The following CAST variants were observed in gnomAD, a reference collection of about 807,000 sequenced individuals.
CAST encodes calpastatin, also known as MIR583 host.
In CAST, 76 loss-of-function variants were observed where a neutral mutation model predicts 119.6. The observed-to-expected ratio is 0.64, with a 90% CI of 0.53 to 0.77. CAST has a LOEUF of 0.77. Ranked by LOEUF, CAST falls within the 30% of genes least tolerant of loss-of-function variation. CAST has a pLI of 0.00. For synonymous variants in CAST, 319 were observed against 331.6 expected (o/e 0.96, Z 0.41); for missense variants, 953 against 946.5 (o/e 1.01, Z -0.09).
chr5:96,232,820 TAGAG>T, the CAST span, among the ~76,000 whole-genome samples: 29 of 152,014 alleles, frequency 1.9e-4, no homozygotes, highest in Non-Finnish European at 2.9e-4. Context: ...TGTTCATGGA[TAGAG>T]AGATTCATAA....
rs1228750907 is a variant in CAST, at chr5:96,772,673, G to T, written c.*57G>T. On this transcript the variant is annotated 3_prime_UTR_variant, in exon 32 of 32. Coordinates refer to ENST00000675179, the MANE Select transcript of CAST (RefSeq NM_001750.7). ...ATGTAAAATCTTCAGCTGGTGGATGGTGACTTTTGAAGAACAAAAGGCTTT... is the reference window on the plus strand; with the variant it reads ...ATGTAAAATCTTCAGCTGGTGGATGTTGACTTTTGAAGAACAAAAGGCTTT... The T allele has an allele frequency of 6.6e-6, 1 of 152,628 alleles. No individual in the cohort carries two copies. The highest frequency in any genetic ancestry group is 1.5e-5 in the Non-Finnish European group (1 of 67,984). The allele number at this position is 152,628 out of a possible 1,614,324, so 9.5% of individuals were successfully genotyped here.
intron 24 of CAST, among the ~76,000 whole-genome samples, chr5:96,757,955 C>G (rs1766715258): frequency 1.3e-5 from 2 of 152,074 alleles, no homozygotes; most frequent in Non-Finnish European, 2.9e-5. Flanking sequence ...TCTGAAAGTG[C>G]TTGGATTACA....
chr5:96,634,523 G>T (rs1747861599), intron 1 of CAST, among the ~76,000 whole-genome samples: 1 of 152,112 alleles, frequency 6.6e-6, no homozygotes, highest in African/African-American at 2.4e-5. Flanking sequence ...TCTTGACATA[G>T]GGGACCAGAG....
chr5:96,296,393 C>T, the CAST span, among the ~76,000 whole-genome samples: 1 of 152,306 alleles, frequency 6.6e-6, no homozygotes, highest in South Asian at 2.1e-4. Context: ...TCTGGCTAAA[C>T]CTATCCTAGT....
the CAST span, among the ~76,000 whole-genome samples, chr5:96,472,148 A>G: frequency 4.6e-5 from 7 of 152,236 alleles, no homozygotes; most frequent in South Asian, 6.2e-4. Flanking sequence ...TGCTTTTTCA[A>G]TATCAAAAGT....
At chr5:96,711,289 G>T (rs1756096264) in intron 3 of CAST, among the ~76,000 whole-genome samples, 1 of 152,030 alleles carries the variant, frequency 6.6e-6, no homozygotes, top group Admixed American at 6.6e-5. Flanking sequence ...CATTCAACTT[G>T]GGAAGACAAC....
At chr5:96,496,014 G>T in the CAST span, among the ~76,000 whole-genome samples, 1 of 152,098 alleles carries the variant, frequency 6.6e-6, no homozygotes, top group African/African-American at 2.4e-5. Context: ...TTGAAGTAAA[G>T]TAGTAAGAGT....
chr5:96,042,858 A>C, the CAST span, among the ~76,000 whole-genome samples: 1 of 152,204 alleles, frequency 6.6e-6, no homozygotes, highest in Admixed American at 6.5e-5. Flanking sequence ...CAGAGGTTCA[A>C]GCTCAGTGCC....
chr5:96,678,979 A>G (rs31248), intron 2 of CAST, among the ~76,000 whole-genome samples: 49,320 of 151,958 alleles, frequency 0.32, 10,161 homozygotes, highest in African/African-American at 0.58. Context: ...ACCATTAAGT[A>G]ATCCTAAGAT....
chr5:95,963,094 T>C, the CAST span, among the ~76,000 whole-genome samples: 1 of 152,138 alleles, frequency 6.6e-6, no homozygotes, highest in Non-Finnish European at 1.5e-5. Context: ...AACAAACCAT[T>C]GAAAGCTTTC....
the CAST span, among the ~76,000 whole-genome samples, chr5:96,243,730 T>C: frequency 6.6e-6 from 1 of 152,296 alleles, no homozygotes; most frequent in South Asian, 2.1e-4. Context: ...ATGTAGTGGA[T>C]TTTGTCTGTG....
At chr5:96,196,875 G>A in the CAST span, among the ~76,000 whole-genome samples, 1 of 152,204 alleles carries the variant, frequency 6.6e-6, no homozygotes, top group African/African-American at 2.4e-5. Flanking sequence ...AGTGGAGTGA[G>A]GAAGAGCAGC....
At chr5:96,565,346 A>G (rs992190010) in intron 1 of CAST, among the ~76,000 whole-genome samples, 7 of 152,168 alleles carry the variant, frequency 4.6e-5, no homozygotes, top group Admixed American at 2.0e-4. Context: ...TCTACAAGGT[A>G]TACATGTCTC....
the CAST span, among the ~76,000 whole-genome samples, chr5:96,181,725 G>C: frequency 2.0e-5 from 3 of 151,958 alleles, 1 homozygote; most frequent in Non-Finnish European, 4.4e-5. Flanking sequence ...GGGGAACTAG[G>C]GGAAATACCA....
chr5:96,773,648 G>A lies in CAST; in HGVS notation c.*1032G>A. On this transcript the variant is annotated 3_prime_UTR_variant, in exon 32 of 32. Coordinates refer to ENST00000675179, the MANE Select transcript of CAST (RefSeq NM_001750.7). ...AAACCTGCATTTCTCCCACAGCAAT[G>A]TAAGAAGTAGGCTCTGATGTCCTAC... 1 of 152,102 alleles carries A rather than the reference G, an allele frequency of 6.6e-6. No individual in the cohort carries two copies. The highest frequency in any genetic ancestry group is 1.5e-5 in the Non-Finnish European group (1 of 68,018). 9.4% of individuals were successfully genotyped at this position (152,102 alleles called of 1,614,324 possible). A position where few individuals can be genotyped will look rare whatever the true frequency, so the allele number is the denominator to read the frequency against.
the CAST span, among the ~76,000 whole-genome samples, chr5:96,497,224 T>C: frequency 1.3e-5 from 2 of 152,128 alleles, no homozygotes; most frequent in Non-Finnish European, 2.9e-5. Flanking sequence ...TATTCCATGG[T>C]GTATATGTGC....
the CAST span, among the ~76,000 whole-genome samples, chr5:96,286,765 A>T: frequency 6.6e-6 from 1 of 152,158 alleles, no homozygotes; most frequent in Non-Finnish European, 1.5e-5. Flanking sequence ...GGTATTTTTT[A>T]AAATAACATT....
chr5:96,459,783 GT>G, the CAST span, among the ~76,000 whole-genome samples: 3 of 152,160 alleles, frequency 2.0e-5, no homozygotes, highest in African/African-American at 7.2e-5. Flanking sequence ...GGGACATTGT[GT>G]TTGCTTGTGT....
At chr5:96,324,252 G>A in the CAST span, among the ~76,000 whole-genome samples, 6 of 152,020 alleles carry the variant, frequency 3.9e-5, no homozygotes, top group Admixed American at 3.3e-4. Context: ...CTTATTAATT[G>A]TAATCACATA....
Sources: allele counts gnomAD v4.1 joint callset (sites outside exome capture counted in the v4.1 genomes callset), GRCh38; gene constraint gnomAD v4.1.1; transcripts MANE v1.5; gene names NCBI Gene and HGNC (gene_info 2026-07-23, HGNC 2026-07-21).